PPFIA2: variants seen among roughly 807,000 people sequenced by gnomAD.
PPFIA2 encodes the protein PPFI scaffold protein A2, also known as liprin-alpha-2.
A neutral mutation model predicts 175.5 loss-of-function variants in PPFIA2; 46 were observed. That is an observed-to-expected ratio of 0.26 (90% CI 0.21 to 0.34). The LOEUF is 0.34. Among genes scored for constraint, PPFIA2 ranks in the 10% least tolerant of loss-of-function variants. The pLI, the probability that PPFIA2 is intolerant of heterozygous loss-of-function variation, is 1.00. For missense variants in PPFIA2, 1,179 were observed against 1,506.1 expected (o/e 0.78, Z 3.60); for synonymous variants, 568 against 511.4 (o/e 1.11, Z -1.49).
intron 4 of PPFIA2, among the ~76,000 whole-genome samples, chr12:81,515,937 T>C (rs1005372536): frequency 1.3e-5 from 2 of 151,320 alleles, no homozygotes; most frequent in African/African-American, 2.4e-5. Context: ...GCACATCATA[T>C]ACTTGGAAAG....
chr12:81,341,794 C>G (rs1007997118), intron 19 of PPFIA2, among the ~76,000 whole-genome samples: 11 of 152,020 alleles, frequency 7.2e-5, no homozygotes, highest in Non-Finnish European at 1.6e-4. Flanking sequence ...GTATTAAACA[C>G]ACATTTGAAC....
intron 25 of PPFIA2, 103 bp from the exon 26 acceptor site, chr12:81,283,142 A>C: frequency 9.3e-7 from 1 of 1,070,130 alleles, no homozygotes; most frequent in South Asian, 1.4e-5. Context: ...GTTATACAAA[A>C]TATTTTGTAT....
At chr12:81,537,103 T>C (rs1469985896) in intron 4 of PPFIA2, among the ~76,000 whole-genome samples, 1 of 151,572 alleles carries the variant, frequency 6.6e-6, no homozygotes, top group East Asian at 1.9e-4. Flanking sequence ...ATAAGCATCT[T>C]CCAATGAAGC....
At chr12:81,583,237 G>A (rs971618912) in intron 4 of PPFIA2, among the ~76,000 whole-genome samples, 7 of 151,858 alleles carry the variant, frequency 4.6e-5, no homozygotes, top group African/African-American at 7.2e-5. Context: ...AGCATGCAAC[G>A]TCATTCCTGT....
intron 4 of PPFIA2, among the ~76,000 whole-genome samples, chr12:81,498,176 A>T (rs1448148631): frequency 1.3e-5 from 2 of 152,210 alleles, no homozygotes; most frequent in African/African-American, 4.8e-5. Context: ...TACTACAAAG[A>T]GTTCTCATAT....
At chr12:81,360,565 T>C (rs2061449417) in intron 15 of PPFIA2, among the ~76,000 whole-genome samples, 1 of 151,838 alleles carries the variant, frequency 6.6e-6, no homozygotes, top group South Asian at 2.1e-4. Context: ...TCTTCTTAGA[T>C]GAGATATTAA....
chr12:81,625,448 G>T (rs1170760776), intron 4 of PPFIA2, among the ~76,000 whole-genome samples: 2 of 151,878 alleles, frequency 1.3e-5, no homozygotes, highest in South Asian at 2.1e-4. Flanking sequence ...ATAATAAATA[G>T]TATGATATAT....
chr12:81,335,507 C>T (rs1250688845), intron 21 of PPFIA2, among the ~76,000 whole-genome samples: 3 of 152,056 alleles, frequency 2.0e-5, no homozygotes, highest in Admixed American at 6.6e-5. Context: ...CTTTGGGATG[C>T]CAAGGCGGGC....
rs199604623 is a variant in PPFIA2 at position 81,341,196 on chromosome 12, C to T, written c.2275G>A (p.Glu759Lys). 1.2e-6 allele frequency: 2 copies of T among 1,611,368 alleles called. No individual in the cohort carries two copies. Among genetic ancestry groups the T allele is most frequent in the Non-Finnish European group, 1.7e-6 (2 of 1,178,276 alleles). Reference sequence around the variant, plus strand: ...GCTTTGTCCTCTCGACCATCTTCTTCCACAACTGCAATCTAGAAGCAAAAA... The same window carrying T: ...GCTTTGTCCTCTCGACCATCTTCTTTCACAACTGCAATCTAGAAGCAAAAA... ...RKHRRKIAVV[E>K]EDGREDKATI... The change falls in exon 20 of 33, where the codon GAA (glutamate) becomes AAA (lysine). Residue 759 changes from glutamate (E) to lysine (K), a missense_variant. By Grantham distance (56) the Glu-to-Lys change is moderately conservative. This residue lies in a region of PPFIA2 where 223 missense variants were observed against 241.6 expected (regional missense o/e 0.92). Transcript: ENST00000549396.
chr12:81,326,992 A>G (rs1407952163), intron 21 of PPFIA2, among the ~76,000 whole-genome samples: 1 of 152,116 alleles, frequency 6.6e-6, no homozygotes, highest in African/African-American at 2.4e-5. Context: ...GGACTCGACC[A>G]AGATATGGTT....
chr12:81,343,448 T>C lies in PPFIA2; in HGVS notation c.2262+1216A>G, dbSNP rs75694137. 9.0e-3 allele frequency among the ~76,000 whole-genome samples: 1,377 copies of C among 152,188 alleles called. 26 individuals are homozygous for C. The highest frequency in any genetic ancestry group is 0.031 in the African/African-American group (1,288 of 41,538). ...TTAAGGAGAAGAGGCTATAGGTAGA[T>C]AGATAATAGCCCAGGAAAATAAAAT... On this transcript the variant is annotated intron_variant, in intron 19 of 32. Coordinates refer to ENST00000549396, the MANE Select transcript of PPFIA2 (RefSeq NM_003625.5).
In PPFIA2 at chr12:81,702,818, C is replaced by T. The variant is rs576062375; in HGVS notation, c.250-25974G>A. ...AGATATGATTATGAGGGTGAAGCCC[C>T]TATTATCAAACTAGTGCCCATATAA... On this transcript the variant is annotated intron_variant, in intron 3 of 32. Coordinates refer to ENST00000549396, the MANE Select transcript of PPFIA2 (RefSeq NM_003625.5). Among the ~76,000 whole-genome samples, 355 of 152,176 alleles carry T rather than the reference C, an allele frequency of 2.3e-3. 3 individuals carry two copies. Among genetic ancestry groups the T allele is most frequent in the Non-Finnish European group, 3.7e-3 (254 of 67,982 alleles).
At chr12:81,295,774 T>G (rs1350540452) in intron 23 of PPFIA2, among the ~76,000 whole-genome samples, 2 of 152,064 alleles carry the variant, frequency 1.3e-5, no homozygotes, top group Non-Finnish European at 2.9e-5. Flanking sequence ...AAGGATCACA[T>G]GAGGTCAGGA....
rs143566446 is a variant in PPFIA2, at chr12:81,746,137, T to C, written c.249+7836A>G. ...GAGAGAGAGGGAAACACTCCCACTT[T>C]AATATCTGGGTGCTTAAATAAAATA... On this transcript the variant is annotated intron_variant, in intron 3 of 32. Coordinates refer to ENST00000549396, the MANE Select transcript of PPFIA2 (RefSeq NM_003625.5). Among the ~76,000 whole-genome samples, 563 of 144,482 alleles carry C rather than the reference T, an allele frequency of 3.9e-3. 24 individuals are homozygous for C. The highest frequency in any genetic ancestry group is 0.012 in the African/African-American group (497 of 41,148). The allele number at this position is 144,482 out of a possible 152,430, so 94.8% of individuals were successfully genotyped here.
At chr12:81,332,283 T>G (rs1209341581) in intron 21 of PPFIA2, among the ~76,000 whole-genome samples, 1 of 152,094 alleles carries the variant, frequency 6.6e-6, no homozygotes, top group Non-Finnish European at 1.5e-5. Context: ...CTTTGCTTCA[T>G]AAGCTGGCAT....
Position 81,624,107 on chromosome 12 carries a change from T to G in PPFIA2, c.303+52684A>C, listed in dbSNP as rs1410800546. On this transcript the variant is annotated intron_variant, in intron 4 of 32. Transcript: ENST00000549396. ...AGGAAGAGGTGTTTTGAAAAGTGGG[T>G]CTTTACATCTATAAGCACTTAATGT... Among the ~76,000 whole-genome samples, 4 of 151,870 alleles carry G rather than the reference T, an allele frequency of 2.6e-5. No individual in the cohort carries two copies. In the South Asian group the frequency reaches 8.3e-4, roughly 31 times the overall value.
At chr12:81,726,629 G>A (rs1212675356) in intron 3 of PPFIA2, among the ~76,000 whole-genome samples, 1 of 151,216 alleles carries the variant, frequency 6.6e-6, no homozygotes, top group Non-Finnish European at 1.5e-5. Flanking sequence ...ACCTTCCCTA[G>A]AATTACAAAC....
chr12:81,368,980 T>A (rs2034343706), intron 12 of PPFIA2, 124 bp from the exon 13 acceptor site: 1 of 1,321,154 alleles, frequency 7.6e-7, no homozygotes, highest in Admixed American at 2.6e-5. Flanking sequence ...TGGAAACATT[T>A]TATTCAAGTC....
intron 4 of PPFIA2, among the ~76,000 whole-genome samples, chr12:81,532,020 T>G (rs1009359088): frequency 1.3e-5 from 2 of 151,842 alleles, no homozygotes; most frequent in Non-Finnish European, 2.9e-5. Flanking sequence ...GTCAGCATGA[T>G]CTCAATGCAA....
Sources: allele counts gnomAD v4.1 joint callset (sites outside exome capture counted in the v4.1 genomes callset), GRCh38; gene constraint gnomAD v4.1.1; regional missense constraint gnomAD v4.1.1; transcripts MANE v1.5; gene names NCBI Gene and HGNC (gene_info 2026-07-23, HGNC 2026-07-21).